The following AHI1 variants were observed in gnomAD, a reference collection of about 807,000 sequenced individuals.
The protein encoded by AHI1 is jouberin.
In AHI1, 123 loss-of-function variants were observed where a neutral mutation model predicts 149.3. The ratio of observed to expected loss-of-function variants is 0.82; its 90% CI spans 0.71 to 0.96. The LOEUF (loss-of-function observed/expected upper bound fraction) is 0.96. Among genes scored for constraint, AHI1 ranks in the 40% least tolerant of loss-of-function variants. The pLI, the probability that AHI1 is intolerant of heterozygous loss-of-function variation, is 0.00. For synonymous variants in AHI1, 475 were observed against 459.8 expected, an observed-to-expected ratio of 1.03 and a Z score of -0.42; for missense variants, 1,439 against 1,422.7, an observed-to-expected ratio of 1.01 and a Z score of -0.18.
intron 10 of AHI1, 60 bp from the exon 11 acceptor site, chr6:135,453,496 T>C: frequency 8.3e-7 from 1 of 1,198,672 alleles, no homozygotes; most frequent in East Asian, 2.6e-5. Context: ...TAATGGTACA[T>C]TATTAAAACT....
intron 21 of AHI1, 132 bp from the exon 22 acceptor site, chr6:135,405,109 C>A: frequency 1.5e-6 from 1 of 689,442 alleles, no homozygotes. Flanking sequence ...ATTATCCTGC[C>A]GTTGTCACTC....
At chr6:135,290,287 G>T in intron 28 of AHI1, 136 bp downstream of exon 28, 1 of 657,366 alleles carries the variant, frequency 1.5e-6, no homozygotes. Flanking sequence ...ATGGCCTCCC[G>T]GTTACAGATC....
chr6:135,390,062 G>C (rs188100152), intron 23 of AHI1, among the ~76,000 whole-genome samples: 1 of 151,802 alleles, frequency 6.6e-6, no homozygotes, highest in Non-Finnish European at 1.5e-5. Context: ...TAGTATTAGC[G>C]TATCTTATGT....
At chr6:135,367,557 T>A (rs1461956548) in intron 23 of AHI1, among the ~76,000 whole-genome samples, 1 of 152,086 alleles carries the variant, frequency 6.6e-6, no homozygotes, top group Non-Finnish European at 1.5e-5. Flanking sequence ...ATTAAAAAAA[T>A]TTTTTCTTTG....
At chr6:135,357,441 C>CA (rs1793166080) in intron 24 of AHI1, among the ~76,000 whole-genome samples, 2 of 152,098 alleles carry the variant, frequency 1.3e-5, no homozygotes, top group African/African-American at 4.8e-5. Flanking sequence ...GACCAAAATC[C>CA]AAAACACTTC....
At chr6:135,368,435 G>A (rs1052248363) in intron 23 of AHI1, among the ~76,000 whole-genome samples, 1 of 152,094 alleles carries the variant, frequency 6.6e-6, no homozygotes, top group South Asian at 2.1e-4. Context: ...TGGTGGGCAG[G>A]GCCACAGAGC....
intron 5 of AHI1, chr6:135,490,269 C>A (rs1319747547): frequency 4.2e-6 from 3 of 715,968 alleles, no homozygotes; most frequent in Non-Finnish European, 7.8e-6. Context: ...TAAGCACAAG[C>A]TATTCAATAT....
chr6:135,455,172 G>A (rs535610558), intron 10 of AHI1, among the ~76,000 whole-genome samples: 87 of 151,936 alleles, frequency 5.7e-4, no homozygotes, highest in South Asian at 1.0e-3. Context: ...TCCAAACCTT[G>A]TTATCATTTT....
intron 3 of AHI1, among the ~76,000 whole-genome samples, chr6:135,494,267 A>T (rs560693310): frequency 1.3e-5 from 2 of 152,350 alleles, no homozygotes; most frequent in South Asian, 4.1e-4. Context: ...GGGTTGTTGT[A>T]AGGGTTAAAT....
At chr6:135,376,876 C>T in intron 23 of AHI1, among the ~76,000 whole-genome samples, 1 of 66,802 alleles carries the variant, frequency 1.5e-5, no homozygotes. Context: ...AGCGAGACTC[C>T]ATCTCAAAAA....
chr6:135,483,780 T>C (rs1000909476), intron 5 of AHI1, among the ~76,000 whole-genome samples: 1 of 152,236 alleles, frequency 6.6e-6, no homozygotes, highest in African/African-American at 2.4e-5. Context: ...AATCCATCAC[T>C]TCAATCATCA....
intron 23 of AHI1, among the ~76,000 whole-genome samples, chr6:135,368,137 G>A (rs1044978188): frequency 4.6e-5 from 7 of 152,150 alleles, no homozygotes; most frequent in African/African-American, 9.7e-5. Context: ...ACCCAGCAGA[G>A]CCACCAGGCT....
intron 24 of AHI1, among the ~76,000 whole-genome samples, chr6:135,342,369 C>G (rs1231256973): frequency 6.6e-6 from 1 of 151,796 alleles, no homozygotes; most frequent in East Asian, 1.9e-4. Context: ...CACAAACTTC[C>G]CTAAAATAAG....
chr6:135,376,881 C>CAAAAAAAAAAAAAAAAAAAAAAAA (rs1167083326), intron 23 of AHI1, among the ~76,000 whole-genome samples: 1 of 29,414 alleles, frequency 3.4e-5, no homozygotes, highest in African/African-American at 1.6e-4. Flanking sequence ...GACTCCATCT[C>CAAAAAAAAAAAAAAAAAAAAAAAA]AAAAAAAAAA....
At position 135,303,312 on chromosome 6, in the gene AHI1, G is replaced by A. The variant is rs142227301; in HGVS notation, c.3427-2754C>T. The stretch of plus-strand genomic sequence containing the variant: ...TTAATGTATGTTACATCTAGCACAC[G>A]AGACTTAAATAAGGCAAATTTATGA... On this transcript the variant is annotated intron_variant, in intron 26 of 28. Coordinates refer to ENST00000265602, the MANE Select transcript of AHI1 (RefSeq NM_001134831.2). Among the ~76,000 whole-genome samples, 606 of 152,230 alleles carry A rather than the reference G, an allele frequency of 4.0e-3. 1 individual carries two copies. The highest frequency in any genetic ancestry group is 0.014 in the African/African-American group (581 of 41,540).
At chr6:135,305,745 AC>A (rs1204534832) in intron 26 of AHI1, among the ~76,000 whole-genome samples, 1 of 152,190 alleles carries the variant, frequency 6.6e-6, no homozygotes, top group African/African-American at 2.4e-5. Context: ...ATGGCTCCTT[AC>A]TACCTTCAGG....
chr6:135,359,767 T>C (rs1793562630), intron 23 of AHI1, among the ~76,000 whole-genome samples: 1 of 152,188 alleles, frequency 6.6e-6, no homozygotes, highest in South Asian at 2.1e-4. Flanking sequence ...TGACCTAGGC[T>C]GATTACTGAT....
rs1429959840 is a variant in AHI1, at chr6:135,442,698, T to C, written c.1796A>G (p.Asn599Ser). Reference sequence around the variant, plus strand: ...TGCATTTAGTGAGAAGAGGTGTTTGTTTGGGATACGGCAAGCCTAAAAAAC... The same window carrying C: ...TGCATTTAGTGAGAAGAGGTGTTTGCTTGGGATACGGCAAGCCTAAAAAAC... ...RLPGQACRIP[N>S]KHLFSLNAGE... The change falls in exon 14 of 29, where the codon AAC (asparagine) becomes AGC (serine). Residue 599 changes from asparagine to serine, a missense_variant. Transcript: ENST00000265602. 6 of 1,610,392 alleles carry C rather than the reference T, an allele frequency of 3.7e-6. No individual in the cohort carries two copies. The highest frequency in any genetic ancestry group is 5.1e-6 in the Non-Finnish European group (6 of 1,178,272).
chr6:135,388,511 A>C (rs570892075), intron 23 of AHI1, among the ~76,000 whole-genome samples: 1 of 152,344 alleles, frequency 6.6e-6, no homozygotes, highest in Admixed American at 6.5e-5. Flanking sequence ...AATATCACAG[A>C]ATCTCTGGTG....
Sources: gnomAD v4.1 joint callset for allele counts (sites outside exome capture counted in the v4.1 genomes callset) on GRCh38, gnomAD v4.1.1 for gene constraint, MANE v1.5 for transcripts, NCBI Gene and HGNC (gene_info 2026-07-23, HGNC 2026-07-21) for gene names.